ROS1: variants seen among roughly 807,000 people sequenced by gnomAD.
ROS1 encodes the protein ROS proto-oncogene 1, receptor tyrosine kinase.
ROS1 carries 263 observed loss-of-function variants against 273.5 expected under a neutral mutation model. The observed-to-expected ratio is 0.96, with a 90% CI of 0.87 to 1.06. ROS1 has a LOEUF of 1.06. Ranked by LOEUF, ROS1 falls within the 50% of genes least tolerant of loss-of-function variation. The pLI is 0.00. For missense variants in ROS1, 2,833 were observed against 2,751.1 expected (o/e 1.03, Z -0.67); for synonymous variants, 1,008 against 954.1 (o/e 1.06, Z -1.04).
At chr6:117,303,529 G>C (rs1275332883) in intron 42 of ROS1, among the ~76,000 whole-genome samples, 1 of 152,114 alleles carries the variant, frequency 6.6e-6, no homozygotes, top group Non-Finnish European at 1.5e-5. Context: ...GCACATTTTA[G>C]AACCTGAAAG....
intron 18 of ROS1, among the ~76,000 whole-genome samples, chr6:117,372,170 C>G (rs1780846595): frequency 6.6e-6 from 1 of 152,104 alleles, no homozygotes; most frequent in African/African-American, 2.4e-5. Flanking sequence ...GAAAGCATTC[C>G]CTCTGAGAAC....
At chr6:117,342,322 A>T in intron 29 of ROS1, 78 bp downstream of exon 29, 2 of 1,343,654 alleles carry the variant, frequency 1.5e-6, no homozygotes, top group Non-Finnish European at 2.0e-6. Flanking sequence ...TTCAGATTTT[A>T]AAAAATAAAC....
chr6:117,332,342 A>G (rs1419330026), intron 32 of ROS1, among the ~76,000 whole-genome samples: 1 of 152,198 alleles, frequency 6.6e-6, no homozygotes, highest in Non-Finnish European at 1.5e-5. Flanking sequence ...CAGACTCACA[A>G]AGTAAGTTCT....
intron 7 of ROS1, among the ~76,000 whole-genome samples, chr6:117,401,217 G>A (rs548975377): frequency 6.6e-6 from 1 of 152,056 alleles, no homozygotes; most frequent in East Asian, 1.9e-4. Flanking sequence ...TGACTTGCTT[G>A]GCCTCCTAAC....
intron 22 of ROS1, 107 bp downstream of exon 22, chr6:117,362,496 A>C: frequency 1.0e-6 from 1 of 991,320 alleles, no homozygotes; most frequent in Non-Finnish European, 1.5e-6. Context: ...ATCAAAATCT[A>C]GGTATGTGTG....
chr6:117,424,016 G>T (rs141344700), intron 1 of ROS1, among the ~76,000 whole-genome samples: 4 of 151,282 alleles, frequency 2.6e-5, no homozygotes, highest in African/African-American at 9.7e-5. Context: ...CTCAACAAAG[G>T]AACAAACTGT....
intron 17 of ROS1, among the ~76,000 whole-genome samples, chr6:117,380,579 C>A (rs1772044980): frequency 6.6e-6 from 1 of 151,714 alleles, no homozygotes; most frequent in Non-Finnish European, 1.5e-5. Context: ...TTCTACATTA[C>A]AAATTAAGTC....
Position 117,387,797 on chromosome 6 carries a change from C to A in ROS1, c.1982G>T (p.Gly661Val), listed in dbSNP as rs776432501. 6.2e-7 allele frequency: 1 copy of A among 1,614,026 alleles called. No individual in the cohort carries two copies. The highest frequency in any genetic ancestry group is 8.5e-7 in the Non-Finnish European group (1 of 1,179,942). Residue 661 changes from glycine to valine, a missense_variant, in exon 14 of 44, where the codon GGT becomes GTT. Physicochemically the swap from Gly to Val is moderately radical, Grantham distance 109 (BLOSUM62 -3). Coordinates refer to ENST00000368507, the MANE Select transcript of ROS1 (RefSeq NM_001378902.1). Reference protein sequence around the residue: ...RPGPWSEPSVGTTLVPASEPP... With the variant: ...RPGPWSEPSVVTTLVPASEPP... ...TTTCTCACCTGGCACCAGGGTAGTA[C>A]CCACTGAGGGCTCTGACCAGGGGCC...
intron 35 of ROS1, among the ~76,000 whole-genome samples, chr6:117,321,726 C>A (rs1442602482): frequency 6.6e-6 from 1 of 151,708 alleles, no homozygotes; most frequent in East Asian, 1.9e-4. Context: ...TCAAAATAAA[C>A]CAAAACAAAC....
chr6:117,367,923 G>A (rs759153083), intron 18 of ROS1, among the ~76,000 whole-genome samples: 113 of 152,208 alleles, frequency 7.4e-4, no homozygotes, highest in Non-Finnish European at 1.4e-3. Flanking sequence ...ATGGTCTGTT[G>A]AATTTTTTCT....
chr6:117,406,239 T>TTATGTTATTAGCTATTTATTTAA lies in ROS1; in HGVS notation c.317-1834_317-1812dup, dbSNP rs1312725904. ...ATATATATGTTTATTTATTTATTTA[T>TTATGTTATTAGCTATTTATTTAA]TATGTTATTAGCTATTTATTTAATA... On this transcript the variant is annotated intron_variant, in intron 5 of 43. Transcript: ENST00000368507. 5.0e-3 allele frequency among the ~76,000 whole-genome samples: 758 copies of TTATGTTATTAGCTATTTATTTAA among 152,230 alleles called. 8 individuals carry two copies. Among genetic ancestry groups the TTATGTTATTAGCTATTTATTTAA allele is most frequent in the African/African-American group, 0.017 (724 of 41,514 alleles).
intron 1 of ROS1, among the ~76,000 whole-genome samples, chr6:117,420,196 A>G (rs1775645490): frequency 6.6e-6 from 1 of 151,940 alleles, no homozygotes; most frequent in South Asian, 2.1e-4. Context: ...TGTGCTCTTA[A>G]CCGGATGCCT....
intron 32 of ROS1, 143 bp from the exon 33 acceptor site, chr6:117,329,589 A>G (rs1257358779): frequency 1.7e-6 from 1 of 574,770 alleles, no homozygotes; most frequent in Non-Finnish European, 3.1e-6. Flanking sequence ...GACTAGAAGC[A>G]ACTCCGTTCA....
rs527383144 is a variant in ROS1 at position 117,366,573 on chromosome 6, G to C, written c.2583-283C>G. ...CTGTTGCCCAAGCTGGAGTGCAGTG[G>C]CATGATCACAGTTCGCTGCAACCTC... is the stretch of plus-strand genomic sequence containing the variant. On this transcript the variant is annotated intron_variant, in intron 18 of 43. Coordinates refer to ENST00000368507, the MANE Select transcript of ROS1 (RefSeq NM_001378902.1). Among the ~76,000 whole-genome samples the C allele has an allele frequency of 1.1e-4, 17 of 152,162 alleles. No homozygotes were observed. The East Asian group carries it at 3.1e-3, about 28-fold the overall frequency.
intron 2 of ROS1, among the ~76,000 whole-genome samples, chr6:117,417,013 C>T (rs970393857): frequency 2.6e-5 from 4 of 152,050 alleles, no homozygotes; most frequent in African/African-American, 9.7e-5. Flanking sequence ...GTTCCATCTT[C>T]AGCTTTTTCT....
chr6:117,423,593 T>G (rs1582917117), intron 1 of ROS1, among the ~76,000 whole-genome samples: 1 of 152,188 alleles, frequency 6.6e-6, no homozygotes, highest in South Asian at 2.1e-4. Context: ...TCTGTTAACG[T>G]AAGATAAAAG....
chr6:117,366,343 G>T, intron 18 of ROS1, 53 bp from the exon 19 acceptor site: 1 of 1,313,476 alleles, frequency 7.6e-7, no homozygotes, highest in Non-Finnish European at 1.1e-6. Flanking sequence ...TGGAAGGGCT[G>T]GTCCATGCAA....
intron 39 of ROS1, among the ~76,000 whole-genome samples, chr6:117,316,942 G>A (rs925406575): frequency 4.6e-5 from 7 of 151,954 alleles, no homozygotes; most frequent in African/African-American, 1.4e-4. Context: ...AAACAGGCTC[G>A]GGCTCACATG....
intron 34 of ROS1, among the ~76,000 whole-genome samples, chr6:117,325,654 G>A (rs1162908237): frequency 6.6e-6 from 1 of 152,066 alleles, no homozygotes; most frequent in Admixed American, 6.6e-5. Flanking sequence ...GGAAAGCCAA[G>A]GTGGAAAGAG....
Sources: allele counts gnomAD v4.1 joint callset (sites outside exome capture counted in the v4.1 genomes callset), GRCh38; gene constraint gnomAD v4.1.1; transcripts MANE v1.5; gene names NCBI Gene and HGNC (gene_info 2026-07-23, HGNC 2026-07-21).